Variants in MICB observed in about 807,000 individuals in gnomAD.
MICB encodes the protein MHC class I polypeptide-related sequence B.
Under a neutral mutation model 34.3 loss-of-function variants are expected in MICB, and 27 were observed. The ratio of observed to expected loss-of-function variants is 0.79; its 90% CI spans 0.58 to 1.08. The LOEUF (loss-of-function observed/expected upper bound fraction) is 1.08. MICB is among the 50% of genes least tolerant of loss of function. The pLI is 0.00. For synonymous variants in MICB, 153 were observed against 187.4 expected, an observed-to-expected ratio of 0.82 and a Z score of 1.50; for missense variants, 426 against 483.1, an observed-to-expected ratio of 0.88 and a Z score of 1.11.
chr6:31,509,317 A>T (rs1275082481), intron 5 of MICB, among the ~76,000 whole-genome samples: 3 of 152,180 alleles, frequency 2.0e-5, no homozygotes, highest in African/African-American at 7.2e-5. Context: ...CTGCCTGCTC[A>T]GGGCTGGGAG....
Position 31,509,818 on chromosome 6 carries a change from T to G in MICB, c.1061T>G (p.Val354Gly). The change falls in exon 6 of 6, where the codon GTT becomes GGT. Residue 354 changes from valine to glycine, a missense_variant. By Grantham distance (109) the Val-to-Gly change is moderately radical. Transcript: ENST00000252229. ...VSLQVLDQHP[V>G]GTGDHRDAAQ... ...CTGCAGGTCCTGGATCAACACCCAGTTGGGACAGGAGACCACAGGGATGCA... is the reference window on the plus strand; with the variant it reads ...CTGCAGGTCCTGGATCAACACCCAGGTGGGACAGGAGACCACAGGGATGCA... 1.2e-6 allele frequency: 2 copies of G among 1,613,434 alleles called. No homozygotes were observed. Among genetic ancestry groups the G allele is most frequent in the South Asian group, 1.1e-5 (1 of 91,002 alleles).
chr6:31,509,676 A>G, intron 5 of MICB, 106 bp from the exon 6 acceptor site: 1 of 1,392,824 alleles, frequency 7.2e-7, no homozygotes, highest in Non-Finnish European at 9.6e-7. Context: ...CTTCTCTCAG[A>G]GAAAGGGCGA....
intron 1 of MICB, among the ~76,000 whole-genome samples, chr6:31,501,072 T>A (rs1456158418): frequency 6.6e-6 from 1 of 150,810 alleles, no homozygotes; most frequent in Non-Finnish European, 1.5e-5. Flanking sequence ...GGTTCTCTTT[T>A]GCTACATCCT....
At position 31,507,442 on chromosome 6, in the gene MICB, A is replaced by T; in HGVS notation, c.935A>T (p.Tyr312Phe). 6.2e-7 allele frequency: 1 copy of T among 1,614,014 alleles called. No homozygotes were observed. Among genetic ancestry groups the T allele is most frequent in the Non-Finnish European group, 8.5e-7 (1 of 1,179,998 alleles). ...VLQSQRTDFP[Y>F]VSAAMPCFVI... ...CAGAGTCAACGGACAGACTTTCCAT[A>T]TGTTTCTGCTGCTATGCCATGTTTT... is the stretch of plus-strand genomic sequence containing the variant. Residue 312 changes from tyrosine (Y) to phenylalanine (F), a missense_variant, in exon 5 of 6, where the codon TAT (tyrosine) becomes TTT (phenylalanine). Physicochemically the swap from Tyr to Phe is conservative, Grantham distance 22. Coordinates refer to ENST00000252229, the MANE Select transcript of MICB (RefSeq NM_005931.5). This position sits in a 1 kb window ranked among gnomAD's most constrained non-coding sequence, Gnocchi z 6.0.
At chr6:31,495,788 G>A (rs1764621113), upstream of MICB, among the ~76,000 whole-genome samples, 1 of 152,114 alleles carries the variant, frequency 6.6e-6, no homozygotes, top group Non-Finnish European at 1.5e-5. Context: ...TCAAGAGGCT[G>A]TGGTGGGAGG....
intron 1 of MICB, among the ~76,000 whole-genome samples, chr6:31,503,986 T>TGTGTGTGTGA (rs1371417972): frequency 1.8e-4 from 27 of 147,894 alleles, no homozygotes; most frequent in African/African-American, 5.0e-4. Context: ...TGTGTGTGTG[T>TGTGTGTGTGA]GATAATAGCC....
At chr6:31,506,744 G>A (rs569950962) in intron 3 of MICB, among the ~76,000 whole-genome samples, 7 of 152,072 alleles carry the variant, frequency 4.6e-5, no homozygotes, top group Non-Finnish European at 8.8e-5. Context: ...TGCCCATCCC[G>A]GAGAGTTCCC....
At position 31,498,257 on chromosome 6, in the gene MICB, G is replaced by T; in HGVS notation, c.64G>T (p.Ala22Ser). ...VAFPFAPPAA[A>S]AEPHSLRYNL... is the part of the protein sequence containing the mutation. ...CTTCCCTTTTGCACCCCCGGCAGCC[G>T]CCGCTGGTGAGTGGGGTTCCTGGCG... The change falls in exon 1 of 6, where the codon GCC becomes TCC. Residue 22 changes from alanine (A) to serine (S), a missense_variant. Transcript: ENST00000252229. The T allele has an allele frequency of 6.4e-7, 1 of 1,569,566 alleles. No homozygotes were observed.
chr6:31,500,755 T>C (rs1216661292), intron 1 of MICB, among the ~76,000 whole-genome samples: 1 of 152,198 alleles, frequency 6.6e-6, no homozygotes, highest in Non-Finnish European at 1.5e-5. Flanking sequence ...CTCCAGTTCT[T>C]TGCAAATGAC....
intron 1 of MICB, among the ~76,000 whole-genome samples, chr6:31,499,230 G>T (rs1278457876): frequency 6.6e-6 from 1 of 151,938 alleles, no homozygotes; most frequent in Non-Finnish European, 1.5e-5. Context: ...GGCTCCGGGG[G>T]TCCTCTCCTC....
chr6:31,501,439 A>G (rs915587704), intron 1 of MICB, among the ~76,000 whole-genome samples: 9 of 152,164 alleles, frequency 5.9e-5, no homozygotes, highest in Non-Finnish European at 1.3e-4. Context: ...TTAACTTGAT[A>G]TGATCCCATT....
chr6:31,507,317 C>T lies in MICB; in HGVS notation c.892+17C>T. 6.2e-7 allele frequency: 1 copy of T among 1,609,198 alleles called. No individual in the cohort carries two copies. Among genetic ancestry groups the T allele is most frequent in the South Asian group, 1.1e-5 (1 of 90,620 alleles). On this transcript the variant is annotated intron_variant, in intron 4 of 5. Transcript: ENST00000252229. This position sits in a 1 kb window ranked among gnomAD's most constrained non-coding sequence, Gnocchi z 6.0. ...TGCCCTCTGGTGAGCCTGGGGTGAC[C>T]CTGGAGAGGGTCAGGCCAGGGTAGG...
chr6:31,495,603 G>A (rs72844762), upstream of MICB, among the ~76,000 whole-genome samples: 9,422 of 152,116 alleles, frequency 0.062, 499 homozygotes, highest in South Asian at 0.26. Flanking sequence ...GGGATGATAG[G>A]GGAATAGTTA....
At chr6:31,506,990 G>T in intron 3 of MICB, 32 bp from the exon 4 acceptor site, 1 of 1,598,260 alleles carries the variant, frequency 6.3e-7, no homozygotes. Context: ...GAGGGGAGCA[G>T]GGCTTCACTG....
Position 31,505,763 on chromosome 6 carries a change from G to C in MICB, c.217G>C (p.Ala73Pro). The C allele has an allele frequency of 1.2e-6, 2 of 1,613,228 alleles. No individual in the cohort carries two copies. The highest frequency in any genetic ancestry group is 2.2e-5 in the South Asian group (2 of 91,082). Residue 73 changes from alanine (A) to proline (P), a missense_variant, in exon 2 of 6, where the codon GCA becomes CCA. By Grantham distance (27) the Ala-to-Pro change is conservative. Transcript: ENST00000252229. ...KRRAKPQGQW[A>P]ENVLGAKTWD... The stretch of plus-strand genomic sequence containing the variant: ...CAGGGCAAAGCCCCAGGGACAGTGG[G>C]CAGAAAATGTCCTGGGAGCTAAGAC...
chr6:31,495,953 A>T (rs1764630892), upstream of MICB, among the ~76,000 whole-genome samples: 1 of 152,254 alleles, frequency 6.6e-6, no homozygotes, highest in African/African-American at 2.4e-5. Context: ...TACCATCAGG[A>T]AGGTTCAAAC....
In MICB at chr6:31,498,205, C is replaced by T. The variant is rs1764780731; in HGVS notation, c.12C>T (p.Gly4=). 1.3e-6 allele frequency: 2 copies of T among 1,583,908 alleles called. No individual in the cohort carries two copies. Among genetic ancestry groups the T allele is most frequent in the East Asian group, 2.5e-5 (1 of 40,440 alleles). MGL[G]RVLLFLAVAF... Reference sequence around the variant, plus strand: ...GCGACGTAGGGGCCATGGGGCTGGGCCGGGTCCTGCTGTTTCTGGCCGTCG... The same window carrying T: ...GCGACGTAGGGGCCATGGGGCTGGGTCGGGTCCTGCTGTTTCTGGCCGTCG... Residue 4 remains glycine (G), a synonymous_variant, in exon 1 of 6, where the codon GGC becomes GGT. Transcript: ENST00000252229.
chr6:31,507,889 T>C lies in MICB; in HGVS notation c.1024+358T>C, dbSNP rs373956585. Among the ~76,000 whole-genome samples the C allele has an allele frequency of 6.6e-6, 1 of 152,108 alleles. No individual in the cohort carries two copies. The highest frequency in any genetic ancestry group is 2.4e-5 in the African/African-American group (1 of 41,402). The stretch of plus-strand genomic sequence containing the variant: ...GAGTTGGGAATCACGTGCTGATTGC[T>C]GAGGGCCTGGATGATCATGGTGTCA... On this transcript the variant is annotated intron_variant, in intron 5 of 5. Coordinates refer to ENST00000252229, the MANE Select transcript of MICB (RefSeq NM_005931.5). The surrounding 1 kb of genome is among the most constrained non-coding windows in gnomAD (Gnocchi z 6.0).
chr6:31,505,815 C>T lies in MICB; in HGVS notation c.269C>T (p.Thr90Ile). 3 of 1,613,064 alleles carry T rather than the reference C, an allele frequency of 1.9e-6. No homozygotes were observed. Among genetic ancestry groups the T allele is most frequent in the Non-Finnish European group, 2.5e-6 (3 of 1,179,912 alleles). ...KTWDTETEDL[T>I]ENGQDLRRTL... ...TGGGACACAGAGACCGAGGACTTGA[C>T]AGAGAATGGGCAAGACCTCAGGAGG... The change falls in exon 2 of 6, where the codon ACA (threonine) becomes ATA (isoleucine). Residue 90 changes from threonine (T) to isoleucine (I), a missense_variant. By Grantham distance (89) the Thr-to-Ile change is moderately conservative (BLOSUM62 -1). Coordinates refer to ENST00000252229, the MANE Select transcript of MICB (RefSeq NM_005931.5).
Sources: gnomAD v4.1 joint callset for allele counts (sites outside exome capture counted in the v4.1 genomes callset) on GRCh38, gnomAD v4.1.1 for gene constraint, Gnocchi (gnomAD v3.1) non-coding constraint, MANE v1.5 for transcripts, NCBI Gene and HGNC (gene_info 2026-07-23, HGNC 2026-07-21) for gene names.